Variants in ELP1 observed in about 807,000 individuals in gnomAD.
The protein encoded by ELP1 is elongator acetyltransferase complex subunit 1.
A neutral mutation model predicts 183.2 loss-of-function variants in ELP1; 131 were observed. The observed-to-expected ratio is 0.72, with a 90% CI of 0.62 to 0.83. The LOEUF is 0.83. Among genes scored for constraint, ELP1 ranks in the 40% least tolerant of loss-of-function variants. ELP1 has a pLI of 0.00. For missense variants in ELP1, 1,550 were observed against 1,594.9 expected (o/e 0.97, Z 0.48); for synonymous variants, 555 against 569.0 (o/e 0.98, Z 0.35).
intron 36 of ELP1, among the ~76,000 whole-genome samples, chr9:108,872,803 TGAAAAAAAAAAA>T (rs1564207137): frequency 1.6e-5 from 1 of 62,814 alleles, no homozygotes; most frequent in African/African-American, 7.8e-5. Flanking sequence ...AGACTCTGTC[TGAAAAAAAAAAA>T]AAAAAAAAAA....
At position 108,927,450 on chromosome 9, in the gene ELP1, C is replaced by A. The variant is rs2132045613; in HGVS notation, c.307G>T (p.Glu103Ter). Residue 103 changes from glutamate (E) to a stop codon, truncating the protein, a stop_gained, in exon 4 of 37, where the codon GAG (glutamate) becomes TAG (stop). Coordinates refer to ENST00000374647, the MANE Select transcript of ELP1 (RefSeq NM_003640.5). LOFTEE classifies it high-confidence loss of function. Reference sequence around the variant, plus strand: ...CCACTGGCTACACTCCCAACACACTCCAGCTGAGACAGAGAAAATTGAAAA... The same window carrying A: ...CCACTGGCTACACTCCCAACACACTACAGCTGAGACAGAGAAAATTGAAAA... ...ILCSLSTQQL[E>*]CVGSVASGIS... 1.2e-6 allele frequency: 2 copies of A among 1,612,758 alleles called. No homozygotes were observed. The highest frequency in any genetic ancestry group is 1.7e-6 in the Non-Finnish European group (2 of 1,178,886).
intron 13 of ELP1, 51 bp downstream of exon 13, chr9:108,908,254 T>C (rs1213633093): frequency 7.4e-7 from 1 of 1,348,034 alleles, no homozygotes; most frequent in Non-Finnish European, 1.1e-6. Flanking sequence ...AATTTAGGAC[T>C]GCATGCTGGC....
intron 10 of ELP1, among the ~76,000 whole-genome samples, chr9:108,914,101 G>A (rs1330204094): frequency 1.3e-5 from 2 of 152,072 alleles, no homozygotes; most frequent in Admixed American, 6.5e-5. Context: ...TAACATTGCA[G>A]TTAAAAGGGT....
At chr9:108,906,916 C>T (rs1829043785) in intron 13 of ELP1, among the ~76,000 whole-genome samples, 1 of 152,172 alleles carries the variant, frequency 6.6e-6, no homozygotes, top group African/African-American at 2.4e-5. Context: ...GAGAGATGGT[C>T]TCCATGTCTC....
rs1234475949 is a variant in ELP1, at chr9:108,869,052, G to A, written c.*63C>T. The A allele has an allele frequency of 2.1e-6, 3 of 1,402,014 alleles. No individual in the cohort carries two copies. The African/African-American group carries it at 4.2e-5, about 20-fold the overall frequency. The allele number at this position is 1,402,014 out of a possible 1,614,324, so 86.8% of individuals were successfully genotyped here. ...AGCCAGCCCTCAAAGAGCAAGGGGT[G>A]GTAGGACAACAGGAATGAGTGGAAA... is the stretch of plus-strand genomic sequence containing the variant. On this transcript the variant is annotated 3_prime_UTR_variant, in exon 37 of 37. Transcript: ENST00000374647.
intron 31 of ELP1, among the ~76,000 whole-genome samples, chr9:108,881,201 T>C (rs11791214): frequency 1.3e-5 from 2 of 152,178 alleles, no homozygotes; most frequent in Non-Finnish European, 2.9e-5. Flanking sequence ...ACCCTTTACT[T>C]TGATTTACCA....
intron 35 of ELP1, among the ~76,000 whole-genome samples, chr9:108,877,173 C>T (rs1463585925): frequency 6.6e-6 from 1 of 152,214 alleles, no homozygotes; most frequent in Non-Finnish European, 1.5e-5. Context: ...GCCAGCTCTA[C>T]AGGGCCCCAC....
intron 28 of ELP1, among the ~76,000 whole-genome samples, chr9:108,890,096 A>T (rs1012793716): frequency 6.6e-6 from 1 of 152,220 alleles, no homozygotes; most frequent in Non-Finnish European, 1.5e-5. Context: ...ATAGCAAGCT[A>T]AGAGCTGTAA....
intron 20 of ELP1, 118 bp from the exon 21 acceptor site, chr9:108,898,867 GCT>G: frequency 1.4e-6 from 1 of 718,644 alleles, no homozygotes; most frequent in Non-Finnish European, 2.5e-6. Context: ...CCAATGCCAA[GCT>G]GCTATCACTG....
intron 6 of ELP1, 39 bp downstream of exon 6, chr9:108,922,803 G>A (rs759354495): frequency 4.7e-6 from 7 of 1,487,858 alleles, no homozygotes; most frequent in Non-Finnish European, 6.6e-6. Context: ...ACTTACATTT[G>A]TTCCAGTCAA....
intron 13 of ELP1, 68 bp from the exon 14 acceptor site, chr9:108,906,553 T>C: frequency 7.3e-7 from 1 of 1,367,828 alleles, no homozygotes; most frequent in South Asian, 1.2e-5. Context: ...CGTTCCTGGA[T>C]GAAGGAAGAC....
chr9:108,876,415 T>A (rs1041189744), intron 35 of ELP1, among the ~76,000 whole-genome samples: 1 of 152,082 alleles, frequency 6.6e-6, no homozygotes, highest in Admixed American at 6.5e-5. Context: ...GTTTGTAAAG[T>A]GCTTTTACAC....
At chr9:108,922,952 T>A in intron 5 of ELP1, 25 bp from the exon 6 acceptor site, 8 of 1,521,796 alleles carry the variant, frequency 5.3e-6, no homozygotes, top group Non-Finnish European at 7.3e-6. Context: ...GCAAGACAAC[T>A]AATAAGCCAC....
intron 36 of ELP1, among the ~76,000 whole-genome samples, chr9:108,870,331 G>A (rs1827402322): frequency 6.6e-6 from 1 of 152,134 alleles, no homozygotes; most frequent in African/African-American, 2.4e-5. Context: ...CAGTGTATTG[G>A]CAGCATAAAA....
chr9:108,906,181 C>T, intron 14 of ELP1, 122 bp downstream of exon 14: 2 of 918,090 alleles, frequency 2.2e-6, no homozygotes, highest in Non-Finnish European at 3.5e-6. Flanking sequence ...TTAAGTGTGT[C>T]TAACAAGAAA....
chr9:108,879,993 T>C (rs1300512689), intron 32 of ELP1, 59 bp downstream of exon 32: 8 of 1,037,824 alleles, frequency 7.7e-6, no homozygotes, highest in Non-Finnish European at 1.2e-5. Context: ...CTAGACAATG[T>C]GTGGCGTTAC....
chr9:108,874,662 A>G (rs1009561822), intron 36 of ELP1, among the ~76,000 whole-genome samples: 1 of 152,212 alleles, frequency 6.6e-6, no homozygotes, highest in Non-Finnish European at 1.5e-5. Flanking sequence ...TATTTTTAAA[A>G]ATTACACATA....
chr9:108,892,987 T>C lies in ELP1; in HGVS notation c.2957A>G (p.Gln986Arg). The part of the protein sequence containing the change: ...KLYSPSSQQY[Q>R]DISIAYGEHL... ...GCCTCATTTTCACATACCACATACC[T>C]GGTACTGTTGTGAGCTTGGTGAATA... is the stretch of plus-strand genomic sequence containing the variant. The change falls in exon 27 of 37, where the codon CAG becomes CGG. Residue 986 changes from glutamine to arginine, a missense_variant and splice_region_variant. Gln to Arg is a conservative substitution (Grantham distance 43). Coordinates refer to ENST00000374647, the MANE Select transcript of ELP1 (RefSeq NM_003640.5). The C allele has an allele frequency of 1.2e-6, 2 of 1,609,426 alleles. No homozygotes were observed. The highest frequency in any genetic ancestry group is 1.7e-6 in the Non-Finnish European group (2 of 1,175,692).
At chr9:108,881,556 G>C in intron 31 of ELP1, 149 bp downstream of exon 31, 1 of 625,380 alleles carries the variant, frequency 1.6e-6, no homozygotes, top group Non-Finnish European at 2.9e-6. Context: ...AAATTCTAGT[G>C]AGAATTAAAT....
Sources: allele counts gnomAD v4.1 joint callset (sites outside exome capture counted in the v4.1 genomes callset), GRCh38; gene constraint gnomAD v4.1.1; transcripts MANE v1.5; gene names NCBI Gene and HGNC (gene_info 2026-07-23, HGNC 2026-07-21).